The following TMEM41B variants were observed in gnomAD, a reference collection of about 807,000 sequenced individuals.
TMEM41B encodes protein stasimon.
TMEM41B carries 18 observed loss-of-function variants against 31.9 expected under a neutral mutation model. The observed-to-expected ratio is 0.56, with a 90% CI of 0.39 to 0.84. The LOEUF (loss-of-function observed/expected upper bound fraction) is 0.84. Among genes scored for constraint, TMEM41B ranks in the 40% least tolerant of loss-of-function variants. TMEM41B has a pLI of 0.00. For missense variants in TMEM41B, 322 were observed against 348.0 expected (o/e 0.93, Z 0.59); for synonymous variants, 144 against 124.3 (o/e 1.16, Z -1.05).
intron 1 of TMEM41B, chr11:9,311,829 C>T (rs756608562): frequency 4.2e-5 from 22 of 524,622 alleles, no homozygotes; most frequent in Non-Finnish European, 6.8e-5. Context: ...CTCTGCCTTA[C>T]TCAAGTAGTC....
chr11:9,281,930 T>C lies in TMEM41B; in HGVS notation c.*1494A>G, dbSNP rs936630170. 6.6e-6 allele frequency: 1 copy of C among 152,202 alleles called. No homozygotes were observed. Among genetic ancestry groups the C allele is most frequent in the Non-Finnish European group, 1.5e-5 (1 of 68,032 alleles). 9.4% of individuals were successfully genotyped at this position (152,202 alleles called of 1,614,324 possible). On this transcript the variant is annotated 3_prime_UTR_variant, in exon 7 of 7. Transcript: ENST00000528080. ...TAATAAATGAGGTAAAATTTAGTCATTGGAACAAATAAACTATATTTAATC... is the reference window on the plus strand; with the variant it reads ...TAATAAATGAGGTAAAATTTAGTCACTGGAACAAATAAACTATATTTAATC...
In TMEM41B at chr11:9,314,498, C is replaced by G. The variant is rs1159010486; in HGVS notation, c.-57G>C. 7.3e-6 allele frequency: 11 copies of G among 1,501,982 alleles called. No individual in the cohort carries two copies. The highest frequency in any genetic ancestry group is 8.9e-6 in the Non-Finnish European group (10 of 1,120,454). 93.0% of individuals were successfully genotyped at this position (1,501,982 alleles called of 1,614,324 possible). A position where few individuals can be genotyped will look rare whatever the true frequency, so the allele number is the denominator to read the frequency against. On this transcript the variant is annotated 5_prime_UTR_variant, in exon 1 of 7. Coordinates refer to ENST00000528080, the MANE Select transcript of TMEM41B (RefSeq NM_015012.4). ...GCCGCGCCCCCTAAACAACAAAACT[C>G]TGTTGCAGGCTCCTTACTACGCCGA...
chr11:9,287,924 T>G (rs1852872851), intron 4 of TMEM41B, 118 bp from the exon 5 acceptor site: 3 of 735,974 alleles, frequency 4.1e-6, no homozygotes, highest in Admixed American at 5.4e-5. Context: ...GAGGGTACTC[T>G]GCATGACATC....
intron 1 of TMEM41B, among the ~76,000 whole-genome samples, chr11:9,310,280 C>T (rs952180631): frequency 3.3e-5 from 5 of 151,992 alleles, no homozygotes; most frequent in East Asian, 1.9e-4. Context: ...ATGTTCCGCC[C>T]GCCTCGGCCT....
rs1852842950 is a variant in TMEM41B, at chr11:9,286,604, A to G, written c.568-11T>C. The G allele has an allele frequency of 1.3e-6, 2 of 1,586,436 alleles. No homozygotes were observed. The highest frequency in any genetic ancestry group is 1.7e-6 in the Non-Finnish European group (2 of 1,170,022). ...TCTATGACGTTCAACCTGTCATAAG[A>G]AAGAAAAGAATTAGCATCAGATGAG... On this transcript the variant is annotated splice_polypyrimidine_tract_variant and intron_variant, in intron 5 of 6. Transcript: ENST00000528080.
chr11:9,294,180 C>CAAAAAAAAAAAAAAAA (rs538372314), intron 3 of TMEM41B, among the ~76,000 whole-genome samples: 2 of 73,452 alleles, frequency 2.7e-5, no homozygotes, highest in African/African-American at 1.2e-4. Context: ...GAACCTGTCT[C>CAAAAAAAAAAAAAAAA]AAAAAAAAAA....
intron 1 of TMEM41B, among the ~76,000 whole-genome samples, chr11:9,306,603 A>G (rs1469570032): frequency 1.3e-5 from 2 of 152,022 alleles, no homozygotes; most frequent in Non-Finnish European, 2.9e-5. Context: ...GGAAATCGGC[A>G]TTAACCCGGG....
rs540371036 is a variant in TMEM41B, at chr11:9,293,701, C to A, written c.368+1558G>T. Among the ~76,000 whole-genome samples the A allele has an allele frequency of 6.6e-5, 10 of 152,268 alleles. No individual in the cohort carries two copies. In the South Asian group the frequency reaches 2.1e-3, roughly 32 times the overall value. Reference sequence around the variant, plus strand: ...GGTTCAGGTGATCCTCCTGCCTCAGCCTCCTGAGTAGTTGGGATTACAGGC... The same window carrying A: ...GGTTCAGGTGATCCTCCTGCCTCAGACTCCTGAGTAGTTGGGATTACAGGC... On this transcript the variant is annotated intron_variant, in intron 3 of 6. Coordinates refer to ENST00000528080, the MANE Select transcript of TMEM41B (RefSeq NM_015012.4).
intron 1 of TMEM41B, among the ~76,000 whole-genome samples, chr11:9,309,745 A>AC (rs1463308644): frequency 6.0e-5 from 9 of 150,952 alleles, no homozygotes; most frequent in Admixed American, 1.3e-4. Context: ...ACATGGTGAA[A>AC]CCCCATCTCT....
chr11:9,310,359 A>G (rs1450044546), intron 1 of TMEM41B, among the ~76,000 whole-genome samples: 2 of 151,398 alleles, frequency 1.3e-5, no homozygotes, highest in East Asian at 3.9e-4. Flanking sequence ...CCCGGTATAC[A>G]CAAAATCTAT....
intron 1 of TMEM41B, among the ~76,000 whole-genome samples, chr11:9,310,952 A>G (rs1455910940): frequency 1.3e-5 from 2 of 152,200 alleles, no homozygotes; most frequent in Non-Finnish European, 2.9e-5. Context: ...ATCCTCCCCA[A>G]TCATGAGTAT....
chr11:9,288,377 TATC>T (rs1852882133), intron 4 of TMEM41B, 62 bp downstream of exon 4: 12 of 1,145,138 alleles, frequency 1.0e-5, no homozygotes, highest in Non-Finnish European at 1.5e-5. Context: ...AGGGTTAAAG[TATC>T]ATCATCATCC....
chr11:9,299,303 A>AAAAT (rs1564964487), intron 2 of TMEM41B, among the ~76,000 whole-genome samples: 2 of 66,122 alleles, frequency 3.0e-5, no homozygotes, highest in Non-Finnish European at 6.1e-5. Flanking sequence ...AAAAAAAAAA[A>AAAAT]AAGAAAGTAT....
chr11:9,303,460 G>A (rs10743102), intron 1 of TMEM41B, among the ~76,000 whole-genome samples: 144,613 of 152,158 alleles, frequency 0.95, 69,141 homozygotes, highest in East Asian at 1. Context: ...TTTAATATCT[G>A]TTTATAATTT....
chr11:9,292,700 T>A (rs1329681985), intron 3 of TMEM41B, among the ~76,000 whole-genome samples: 2 of 152,022 alleles, frequency 1.3e-5, no homozygotes, highest in East Asian at 3.9e-4. Context: ...GATTTCTTCA[T>A]GTTGGTCAGG....
chr11:9,303,297 C>T (rs1853300558), intron 1 of TMEM41B, among the ~76,000 whole-genome samples: 1 of 152,066 alleles, frequency 6.6e-6, no homozygotes, highest in Admixed American at 6.6e-5. Context: ...TGCTACCACA[C>T]CCAGCTAATT....
intron 1 of TMEM41B, among the ~76,000 whole-genome samples, chr11:9,312,903 CA>C (rs36030741): frequency 0.41 from 38,733 of 94,940 alleles, 4,000 homozygotes; most frequent in Middle Eastern, 0.51. Context: ...GACTCCGTCT[CA>C]AAAAAAAAAA....
chr11:9,305,659 T>C (rs1444386336), intron 1 of TMEM41B, among the ~76,000 whole-genome samples: 3 of 152,172 alleles, frequency 2.0e-5, no homozygotes, highest in Non-Finnish European at 2.9e-5. Flanking sequence ...CTTAAAGGTA[T>C]GCTACTTTTA....
At chr11:9,304,892 G>A (rs1590386221) in intron 1 of TMEM41B, among the ~76,000 whole-genome samples, 2 of 152,064 alleles carry the variant, frequency 1.3e-5, no homozygotes, top group South Asian at 4.1e-4. Flanking sequence ...TCTTAACCTC[G>A]TGATCTGCCC....
Sources: allele counts gnomAD v4.1 joint callset (sites outside exome capture counted in the v4.1 genomes callset), GRCh38; gene constraint gnomAD v4.1.1; transcripts MANE v1.5; gene names NCBI Gene and HGNC (gene_info 2026-07-23, HGNC 2026-07-21).